ARHGAP8: variants seen among roughly 807,000 people sequenced by gnomAD.
ARHGAP8 encodes rho GTPase-activating protein 8.
ARHGAP8 carries 62 observed loss-of-function variants against 46.1 expected under a neutral mutation model. That is an observed-to-expected ratio of 1.34 (90% CI 1.10 to 1.66). The LOEUF (loss-of-function observed/expected upper bound fraction) is 1.66. Ranked by LOEUF, ARHGAP8 falls within the 40% of genes most tolerant of loss-of-function variation. The pLI is 0.00. For missense variants in ARHGAP8, 923 were observed against 568.4 expected (o/e 1.62, Z -6.34); for synonymous variants, 375 against 243.1 (o/e 1.54, Z -5.05).
At chr22:44,762,106 G>A (rs1449525207) in intron 1 of ARHGAP8, among the ~76,000 whole-genome samples, 1 of 152,220 alleles carries the variant, frequency 6.6e-6, no homozygotes, top group East Asian at 1.9e-4. Flanking sequence ...GAGATCAGAA[G>A]GACAGACAGG....
At chr22:44,757,191 C>T (rs373129707) in intron 1 of ARHGAP8, among the ~76,000 whole-genome samples, 91 of 152,282 alleles carry the variant, frequency 6.0e-4, no homozygotes, top group African/African-American at 1.9e-3. Flanking sequence ...GCTGGGATTA[C>T]AGGTGTGAGC....
intron 1 of ARHGAP8, among the ~76,000 whole-genome samples, chr22:44,753,468 T>G (rs132433): frequency 0.19 from 28,782 of 151,760 alleles, 2,988 homozygotes; most frequent in South Asian, 0.39. Flanking sequence ...TGATCCGTCT[T>G]CCTGGGCCTC....
At chr22:44,861,264 C>T (rs965788864) in intron 11 of ARHGAP8, among the ~76,000 whole-genome samples, 1 of 152,210 alleles carries the variant, frequency 6.6e-6, no homozygotes, top group Non-Finnish European at 1.5e-5. Flanking sequence ...TGAGCCACTG[C>T]ACCCAGCCTA....
chr22:44,842,490 G>A (rs945310697), intron 7 of ARHGAP8, among the ~76,000 whole-genome samples: 1 of 152,206 alleles, frequency 6.6e-6, no homozygotes. Context: ...TTTGGTTGTC[G>A]TGGAATCACC....
chr22:44,753,327 T>C (rs1056184825), intron 1 of ARHGAP8, among the ~76,000 whole-genome samples: 14 of 151,876 alleles, frequency 9.2e-5, no homozygotes, highest in African/African-American at 9.7e-5. Flanking sequence ...GTTCAAGCGA[T>C]TCTTGTGCCT....
chr22:44,828,279 G>A (rs540298661), intron 7 of ARHGAP8, among the ~76,000 whole-genome samples: 24 of 152,224 alleles, frequency 1.6e-4, no homozygotes, highest in South Asian at 1.0e-3. Context: ...GAGAATTTGC[G>A]GGTGCGAACA....
intron 2 of ARHGAP8, among the ~76,000 whole-genome samples, chr22:44,787,629 G>A (rs1437884528): frequency 6.6e-6 from 1 of 152,154 alleles, no homozygotes; most frequent in East Asian, 1.9e-4. Context: ...ATAGGCGTGA[G>A]CCACCGTGCC....
At chr22:44,754,511 A>T (rs1324236692) in intron 1 of ARHGAP8, among the ~76,000 whole-genome samples, 1 of 152,016 alleles carries the variant, frequency 6.6e-6, no homozygotes, top group Non-Finnish European at 1.5e-5. Context: ...GCCCACCACC[A>T]CACCCAGCTA....
At chr22:44,858,862 G>A (rs150253906) in intron 10 of ARHGAP8, among the ~76,000 whole-genome samples, 11 of 151,614 alleles carry the variant, frequency 7.3e-5, no homozygotes, top group Non-Finnish European at 1.3e-4. Flanking sequence ...GTCTAGAGCA[G>A]GGTTGCAAAC....
intron 10 of ARHGAP8, among the ~76,000 whole-genome samples, chr22:44,856,254 C>CT (rs557242169): frequency 0.019 from 1,611 of 86,624 alleles, 177 homozygotes; most frequent in African/African-American, 0.033. Context: ...TATAAATTCC[C>CT]TTTTTTTTTT....
chr22:44,834,556 C>T (rs5766077), intron 7 of ARHGAP8, among the ~76,000 whole-genome samples: 19,041 of 152,076 alleles, frequency 0.13, 1,538 homozygotes, highest in East Asian at 0.31. Context: ...ATTCAACGGA[C>T]ACATGAGAAG....
chr22:44,859,947 G>A (rs1387236408), intron 11 of ARHGAP8, 113 bp downstream of exon 11: 10 of 1,284,090 alleles, frequency 7.8e-6, no homozygotes, highest in Non-Finnish European at 1.1e-5. Context: ...GCCCTGCTTG[G>A]GCCTCGGAAT....
At chr22:44,787,015 G>C (rs897039637) in intron 2 of ARHGAP8, among the ~76,000 whole-genome samples, 8 of 129,058 alleles carry the variant, frequency 6.2e-5, no homozygotes, top group African/African-American at 2.5e-4. Context: ...TGACAGAGTG[G>C]TGAGACCCTG....
intron 4 of ARHGAP8, chr22:44,809,153 G>A (rs1929160828): frequency 2.1e-6 from 1 of 470,954 alleles, no homozygotes; most frequent in Admixed American, 2.3e-5. Flanking sequence ...CAGACAGTCA[G>A]CATTTTAGCT....
chr22:44,858,369 G>GTTTTCTT (rs1481535425), intron 10 of ARHGAP8, among the ~76,000 whole-genome samples: 45 of 142,016 alleles, frequency 3.2e-4, no homozygotes, highest in African/African-American at 1.2e-3. Context: ...GTTGGTGGTG[G>GTTTTCTT]TTTTTTTTTT....
At chr22:44,821,223 A>T (rs1220351132) in intron 5 of ARHGAP8, among the ~76,000 whole-genome samples, 3 of 152,094 alleles carry the variant, frequency 2.0e-5, no homozygotes, top group African/African-American at 4.8e-5. Context: ...CGAGGTCAGG[A>T]GATCGAGACC....
At chr22:44,756,506 A>G (rs923906985) in intron 1 of ARHGAP8, among the ~76,000 whole-genome samples, 1 of 152,036 alleles carries the variant, frequency 6.6e-6, no homozygotes, top group Non-Finnish European at 1.5e-5. Flanking sequence ...CAAATGATGT[A>G]CAATGAGCCG....
chr22:44,852,226 G>GGAAGGAAGGT (rs535213085), intron 10 of ARHGAP8, among the ~76,000 whole-genome samples: 1 of 150,268 alleles, frequency 6.7e-6, no homozygotes, highest in Non-Finnish European at 1.5e-5. Context: ...AAGGAAGGGA[G>GGAAGGAAGGT]GAAGGAAGGT....
Position 44,848,032 on chromosome 22 carries a change from C to T in ARHGAP8, c.730C>T (p.Gln244Ter). 6.2e-7 allele frequency: 1 copy of T among 1,607,468 alleles called. No individual in the cohort carries two copies. The highest frequency in any genetic ancestry group is 8.5e-7 in the Non-Finnish European group (1 of 1,179,960). Residue 244 changes from glutamine to a stop codon, truncating the protein, a stop_gained, in exon 9 of 12, where the codon CAG becomes TAG. Transcript: ENST00000356099. LOFTEE classifies it high-confidence loss of function. ...CAGCGTGCAGACCGTCCGCGAGATC[C>T]AGAGGCTCTACAACCAAGGTGAGGG... Reference protein sequence around the residue: ...SASVQTVREIQRLYNQGKPVN... With the variant: ...SASVQTVREI
Sources: allele counts gnomAD v4.1 joint callset (sites outside exome capture counted in the v4.1 genomes callset), GRCh38; gene constraint gnomAD v4.1.1; transcripts MANE v1.5; gene names NCBI Gene and HGNC (gene_info 2026-07-23, HGNC 2026-07-21).